The following RBM47 variants were observed in gnomAD, a reference collection of about 807,000 sequenced individuals.
The protein encoded by RBM47 is RNA binding motif protein 47.
In RBM47, 21 loss-of-function variants were observed where a neutral mutation model predicts 47.1. The observed-to-expected ratio is 0.45, with a 90% CI of 0.32 to 0.64. The LOEUF (loss-of-function observed/expected upper bound fraction) is 0.64. Ranked by LOEUF, RBM47 falls within the 30% of genes least tolerant of loss-of-function variation. RBM47 has a pLI of 0.05. For missense variants in RBM47, 708 were observed against 870.9 expected, an observed-to-expected ratio of 0.81 and a Z score of 2.35; for synonymous variants, 375 against 361.7, an observed-to-expected ratio of 1.04 and a Z score of -0.42.
intron 1 of RBM47, among the ~76,000 whole-genome samples, chr4:40,622,680 G>A (rs575488033): frequency 1.3e-5 from 2 of 152,226 alleles, no homozygotes; most frequent in East Asian, 1.9e-4. Flanking sequence ...CCAGGAGTTC[G>A]AGACCAGCCT....
intron 1 of RBM47, among the ~76,000 whole-genome samples, chr4:40,605,030 T>TGTC (rs1578055858): frequency 6.6e-6 from 1 of 151,570 alleles, no homozygotes; most frequent in East Asian, 1.9e-4. Context: ...TTGTTGTTGT[T>TGTC]GTCGTGGTTG....
chr4:40,447,335 A>G (rs375111462), intron 3 of RBM47, among the ~76,000 whole-genome samples: 1 of 152,212 alleles, frequency 6.6e-6, no homozygotes, highest in Non-Finnish European at 1.5e-5. Flanking sequence ...GATTTTTGTT[A>G]TGTTTTAGGG....
chr4:40,461,218 C>T (rs944906183), intron 3 of RBM47, among the ~76,000 whole-genome samples: 4 of 152,116 alleles, frequency 2.6e-5, no homozygotes, highest in Admixed American at 6.5e-5. Context: ...TCATGTCTCG[C>T]GTACTCTGTA....
intron 4 of RBM47, among the ~76,000 whole-genome samples, chr4:40,437,129 T>TAA (rs1712706470): frequency 2.1e-5 from 2 of 94,980 alleles, no homozygotes; most frequent in Admixed American, 1.4e-4. Flanking sequence ...TATATATATA[T>TAA]ATAAAATACA....
At chr4:40,620,965 A>G (rs995837449) in intron 1 of RBM47, among the ~76,000 whole-genome samples, 2 of 152,094 alleles carry the variant, frequency 1.3e-5, no homozygotes, top group Admixed American at 1.3e-4. Flanking sequence ...CTCCTCAACA[A>G]ATTGTGATGA....
chr4:40,532,475 G>T (rs1388540852), intron 2 of RBM47, among the ~76,000 whole-genome samples: 2 of 150,136 alleles, frequency 1.3e-5, no homozygotes, highest in South Asian at 2.1e-4. Context: ...ACCACACCCA[G>T]CTAATTTTTT....
At chr4:40,534,260 C>G (rs894141488) in intron 2 of RBM47, among the ~76,000 whole-genome samples, 16 of 152,078 alleles carry the variant, frequency 1.1e-4, no homozygotes, top group African/African-American at 3.6e-4. Context: ...GCCACCATGC[C>G]TAGCCTGGTA....
intron 2 of RBM47, among the ~76,000 whole-genome samples, chr4:40,510,879 C>T (rs758267636): frequency 4.6e-5 from 7 of 152,158 alleles, no homozygotes; most frequent in Non-Finnish European, 7.4e-5. Context: ...TGAGACCAGA[C>T]TGGCCAACAT....
intron 2 of RBM47, among the ~76,000 whole-genome samples, chr4:40,473,606 C>A (rs1350822306): frequency 6.6e-6 from 1 of 152,140 alleles, no homozygotes; most frequent in Admixed American, 6.6e-5. Flanking sequence ...AGGAGTTCAA[C>A]TTTTTGGGTG....
At chr4:40,601,015 T>TA (rs1735238272) in intron 1 of RBM47, among the ~76,000 whole-genome samples, 1 of 78,364 alleles carries the variant, frequency 1.3e-5, no homozygotes, top group African/African-American at 4.4e-5. Flanking sequence ...AAGAAGAACA[T>TA]AAAAAAGATC....
chr4:40,486,488 T>C (rs1347939512), intron 2 of RBM47, among the ~76,000 whole-genome samples: 3 of 152,198 alleles, frequency 2.0e-5, no homozygotes, highest in Non-Finnish European at 4.4e-5. Flanking sequence ...CAGTGAGTCC[T>C]ACTATATCAG....
chr4:40,612,278 T>C (rs755375160), intron 1 of RBM47, among the ~76,000 whole-genome samples: 2 of 152,188 alleles, frequency 1.3e-5, no homozygotes, highest in Admixed American at 6.5e-5. Context: ...ACGCCTGTAA[T>C]CCCAGCACTT....
At chr4:40,496,345 CA>C (rs1274284882) in intron 2 of RBM47, among the ~76,000 whole-genome samples, 40 of 151,966 alleles carry the variant, frequency 2.6e-4, no homozygotes, top group Admixed American at 1.3e-3. Context: ...CACACACACA[CA>C]CACACACACA....
intron 2 of RBM47, among the ~76,000 whole-genome samples, chr4:40,475,260 T>C (rs1430168244): frequency 6.6e-6 from 1 of 152,184 alleles, no homozygotes; most frequent in Non-Finnish European, 1.5e-5. Flanking sequence ...AATTTTTCCT[T>C]ATTTTAATTA....
chr4:40,512,922 AAAAGAGAC>A (rs1577853774), intron 2 of RBM47, among the ~76,000 whole-genome samples: 3 of 149,256 alleles, frequency 2.0e-5, no homozygotes, highest in Admixed American at 1.3e-4. Context: ...TCAAAATCTT[AAAAGAGAC>A]ATAGGAAAAC....
At chr4:40,587,490 C>T (rs1733702872) in intron 1 of RBM47, among the ~76,000 whole-genome samples, 3 of 152,184 alleles carry the variant, frequency 2.0e-5, no homozygotes, top group Admixed American at 1.3e-4. Context: ...AAAGAAGACA[C>T]TGTAAATATG....
chr4:40,446,764 A>G (rs1714598475), intron 3 of RBM47, among the ~76,000 whole-genome samples: 1 of 151,430 alleles, frequency 6.6e-6, no homozygotes, highest in Non-Finnish European at 1.5e-5. Context: ...AAAAAAAGGA[A>G]AAAAGACAAT....
intron 2 of RBM47, among the ~76,000 whole-genome samples, chr4:40,535,751 G>C (rs533801531): frequency 2.0e-4 from 31 of 152,184 alleles, no homozygotes; most frequent in African/African-American, 6.3e-4. Context: ...GTAGAGACTG[G>C]GTTTCACCAT....
At chr4:40,437,027 C>A in intron 4 of RBM47, 1 of 291,144 alleles carries the variant, frequency 3.4e-6, no homozygotes, top group South Asian at 2.8e-5. Context: ...ATGGCTTGAG[C>A]CCAGGGGTTC....
Sources: allele counts gnomAD v4.1 joint callset (sites outside exome capture counted in the v4.1 genomes callset), GRCh38; gene constraint gnomAD v4.1.1; transcripts MANE v1.5; gene names NCBI Gene and HGNC (gene_info 2026-07-23, HGNC 2026-07-21).